FNIP2: variants seen among roughly 807,000 people sequenced by gnomAD.
The protein encoded by FNIP2 is folliculin interacting protein 2.
In FNIP2, 32 loss-of-function variants were observed where a neutral mutation model predicts 108.7. That is an observed-to-expected ratio of 0.29 (90% CI 0.22 to 0.40). The LOEUF (loss-of-function observed/expected upper bound fraction) is 0.40, where lower values mean the gene tolerates loss of function less well. FNIP2 is among the 10% of genes least tolerant of loss of function. The pLI is 1.00. For synonymous variants in FNIP2, 480 were observed against 496.7 expected, an observed-to-expected ratio of 0.97 and a Z score of 0.45; for missense variants, 1,202 against 1,381.6, an observed-to-expected ratio of 0.87 and a Z score of 2.06.
chr4:158,779,034 A>G (rs1298482324), intron 1 of FNIP2, among the ~76,000 whole-genome samples: 3 of 152,222 alleles, frequency 2.0e-5, no homozygotes, highest in African/African-American at 4.8e-5. Context: ...AAGAAATAGC[A>G]GTGGTAGGGT....
chr4:158,868,285 G>A lies in FNIP2; in HGVS notation c.1649G>A (p.Gly550Glu). The A allele has an allele frequency of 1.2e-6, 2 of 1,614,070 alleles. No homozygotes were observed. The highest frequency in any genetic ancestry group is 1.7e-6 in the Non-Finnish European group (2 of 1,179,908). ...GGTGAAGGTGACCAAGTTTTAAATGGGAGCAAGATCATAACAGCCTTGGAG... is the reference window on the plus strand; with the variant it reads ...GGTGAAGGTGACCAAGTTTTAAATGAGAGCAAGATCATAACAGCCTTGGAG... ...NHGEGDQVLNGSKIITALEKG... is the reference protein window; with the variant it reads ...NHGEGDQVLNESKIITALEKG... The change falls in exon 13 of 17, where the codon GGG (glycine) becomes GAG (glutamate). Residue 550 changes from glycine to glutamate, a missense_variant. Physicochemically the swap from Gly to Glu is moderately conservative, Grantham distance 98 (BLOSUM62 -2). This residue lies in a region of FNIP2 where 878 missense variants were observed against 990.3 expected (regional missense o/e 0.89). Coordinates refer to ENST00000264433, the MANE Select transcript of FNIP2 (RefSeq NM_020840.3). This position sits in a 1 kb window ranked among gnomAD's most constrained non-coding sequence, Gnocchi z 4.6.
rs909444161 is a variant in FNIP2 at position 158,829,187 on chromosome 4, T to C, written c.343T>C (p.Ser115Pro). Residue 115 changes from serine to proline, a missense_variant, in exon 3 of 17, where the codon TCT becomes CCT. Around this residue, in one of 5 missense-constraint regions of FNIP2, gnomAD observed 173 missense variants for 165.9 expected, o/e 1.04. Coordinates refer to ENST00000264433, the MANE Select transcript of FNIP2 (RefSeq NM_020840.3). ...SISSHSSSGG[S>P]SHHAKEQLPK... The stretch of plus-strand genomic sequence containing the variant: ...CTCTTCCCACAGTTCTTCTGGGGGA[T>C]CTTCACATCATGCTAAGGAACAGCT... The C allele has an allele frequency of 1.9e-6, 3 of 1,612,788 alleles. No individual in the cohort carries two copies. The Admixed American group carries it at 5.0e-5, about 27-fold the overall frequency.
intron 1 of FNIP2, chr4:158,806,444 C>G: frequency 3.1e-6 from 4 of 1,275,390 alleles, no homozygotes; most frequent in Non-Finnish European, 4.1e-6. Flanking sequence ...TTAGTTGTTT[C>G]AAAGTCTCAG....
chr4:158,888,373 C>T (rs1782125663), intron 14 of FNIP2, among the ~76,000 whole-genome samples: 1 of 152,172 alleles, frequency 6.6e-6, no homozygotes, highest in Non-Finnish European at 1.5e-5. Context: ...ACACAAGATG[C>T]TCATCGACTC....
chr4:158,816,803 T>C (rs1777602623), intron 1 of FNIP2, among the ~76,000 whole-genome samples: 1 of 149,118 alleles, frequency 6.7e-6, no homozygotes, highest in African/African-American at 2.5e-5. Flanking sequence ...AAAAAAAAAT[T>C]AGCTCAGTGA....
Position 158,868,730 on chromosome 4 carries a change from A to T in FNIP2, c.2094A>T (p.Ser698=). 6.2e-7 allele frequency: 1 copy of T among 1,614,014 alleles called. No homozygotes were observed. Among genetic ancestry groups the T allele is most frequent in the South Asian group, 1.1e-5 (1 of 91,082 alleles). Residue 698 remains serine, a synonymous_variant, in exon 13 of 17, where the codon TCA becomes TCT. Transcript: ENST00000264433. This position sits in a 1 kb window ranked among gnomAD's most constrained non-coding sequence, Gnocchi z 4.6. ...TGCCTACAAGACTGCCAGACCGGTC[A>T]GTGGCCTGGCCTTGCCCTGACAGAC... ...VEMPTRLPDR[S]VAWPCPDRHL...
chr4:158,811,127 A>G (rs1043118378), intron 1 of FNIP2, among the ~76,000 whole-genome samples: 5 of 152,156 alleles, frequency 3.3e-5, no homozygotes, highest in African/African-American at 9.7e-5. Context: ...AAAACACCCA[A>G]GGTTCCTGGG....
intron 14 of FNIP2, among the ~76,000 whole-genome samples, chr4:158,887,693 C>T (rs1386006224): frequency 1.4e-5 from 2 of 140,200 alleles, no homozygotes; most frequent in African/African-American, 5.5e-5. Context: ...GCCGAGAATG[C>T]ACTACTGCAC....
chr4:158,797,334 AT>A (rs1341727170), intron 1 of FNIP2, among the ~76,000 whole-genome samples: 2 of 152,218 alleles, frequency 1.3e-5, no homozygotes, highest in Non-Finnish European at 2.9e-5. Flanking sequence ...ATTGACTTCC[AT>A]TGAATGGATT....
chr4:158,803,146 C>T (rs1232245560), intron 1 of FNIP2, among the ~76,000 whole-genome samples: 1 of 152,162 alleles, frequency 6.6e-6, no homozygotes, highest in Non-Finnish European at 1.5e-5. Context: ...GGAGTCTAGT[C>T]AGTGATTGCA....
intron 1 of FNIP2, among the ~76,000 whole-genome samples, chr4:158,792,409 C>T (rs965323845): frequency 4.7e-5 from 7 of 149,582 alleles, no homozygotes. Flanking sequence ...GGTAATGTCA[C>T]TCTTTAGCCC....
chr4:158,881,247 GTCTCCC>G (rs1781578310), intron 14 of FNIP2, among the ~76,000 whole-genome samples: 1 of 129,550 alleles, frequency 7.7e-6, no homozygotes, highest in Admixed American at 7.4e-5. Flanking sequence ...TCTTTCCACG[GTCTCCC>G]TCTCCCTCTC....
At chr4:158,782,517 C>CTTTTTTTTTTTTTTT (rs1776085825) in intron 1 of FNIP2, among the ~76,000 whole-genome samples, 1 of 138,842 alleles carries the variant, frequency 7.2e-6, no homozygotes. Flanking sequence ...CAGGAGCTTC[C>CTTTTTTTTTTTTTTT]TTTTTGTTTT....
intron 7 of FNIP2, chr4:158,836,601 C>G (rs1379087860): frequency 1.3e-5 from 2 of 150,706 alleles, no homozygotes; most frequent in African/African-American, 2.4e-5. Flanking sequence ...CAGTTTGAGA[C>G]CAGCCTGACC....
chr4:158,868,837 G>A lies in FNIP2; in HGVS notation c.2201G>A (p.Arg734His), dbSNP rs761676307. The A allele has an allele frequency of 4.0e-5, 65 of 1,613,792 alleles. No individual in the cohort carries two copies. The East Asian group carries it at 4.2e-4, about 11-fold the overall frequency. Residue 734 changes from arginine to histidine, a missense_variant, in exon 13 of 17, where the codon CGC becomes CAC. Coordinates refer to ENST00000264433, the MANE Select transcript of FNIP2 (RefSeq NM_020840.3). The surrounding 1 kb of genome is among the most constrained non-coding windows in gnomAD (Gnocchi z 4.6). Reference sequence around the variant, plus strand: ...TCTCCAGAGTCTGACTTTGAAAGCCGCATGAAAAAAATGGAGGAACGGGTG... The same window carrying A: ...TCTCCAGAGTCTGACTTTGAAAGCCACATGAAAAAAATGGAGGAACGGGTG... ...FASPESDFESRMKKMEERVKA... is the reference protein window; with the variant it reads ...FASPESDFESHMKKMEERVKA...
chr4:158,814,706 G>A (rs1157404224), intron 1 of FNIP2, among the ~76,000 whole-genome samples: 1 of 152,098 alleles, frequency 6.6e-6, no homozygotes, highest in Non-Finnish European at 1.5e-5. Flanking sequence ...GGGAGGGAGG[G>A]GATGAAGGAC....
intron 1 of FNIP2, chr4:158,794,756 G>A (rs1311532386): frequency 6.6e-6 from 1 of 152,146 alleles, no homozygotes; most frequent in African/African-American, 2.4e-5. Context: ...AATTATATTT[G>A]TGGCTTATAT....
chr4:158,788,498 G>A (rs975201346), intron 1 of FNIP2, among the ~76,000 whole-genome samples: 1 of 152,128 alleles, frequency 6.6e-6, no homozygotes, highest in Non-Finnish European at 1.5e-5. Context: ...TGATCTTTTT[G>A]CCTTTTATTT....
At chr4:158,821,397 A>G (rs1777874874) in intron 1 of FNIP2, among the ~76,000 whole-genome samples, 1 of 152,180 alleles carries the variant, frequency 6.6e-6, no homozygotes, top group Admixed American at 6.5e-5. Context: ...TTGTTTTCAT[A>G]CCCCTTTTGA....
Sources: gnomAD v4.1 joint callset for allele counts (sites outside exome capture counted in the v4.1 genomes callset) on GRCh38, gnomAD v4.1.1 for gene constraint, gnomAD v4.1.1 regional missense constraint, Gnocchi (gnomAD v3.1) non-coding constraint, MANE v1.5 for transcripts, NCBI Gene and HGNC (gene_info 2026-07-23, HGNC 2026-07-21) for gene names.